Variants in DOCK3 observed in about 807,000 individuals in gnomAD.
DOCK3 encodes the protein dedicator of cytokinesis 3.
A neutral mutation model predicts 265.6 loss-of-function variants in DOCK3; 60 were observed. The ratio of observed to expected loss-of-function variants is 0.23; its 90% CI spans 0.18 to 0.28. The LOEUF is 0.28. Among genes scored for constraint, DOCK3 ranks in the 10% least tolerant of loss-of-function variants. The probability of loss-of-function intolerance (pLI) is 1.00; values close to 1 mark genes in which losing one functional copy is unlikely to be tolerated. For synonymous variants in DOCK3, 881 were observed against 938.0 expected, an observed-to-expected ratio of 0.94 and a Z score of 1.11; for missense variants, 1,981 against 2,594.3, an observed-to-expected ratio of 0.76 and a Z score of 5.14.
chr3:51,311,230 C>T lies in DOCK3; in HGVS notation c.3018-774C>T, dbSNP rs951585619. Among the ~76,000 whole-genome samples the T allele has an allele frequency of 3.3e-5, 5 of 152,186 alleles. No homozygotes were observed. The South Asian group carries it at 1.0e-3, about 32-fold the overall frequency. ...CAAAGCTTTGACCCTTTAAATTTTT[C>T]ACCCCCTCTAGTGGTGGACTAGTCT... On this transcript the variant is annotated intron_variant, in intron 28 of 52. Transcript: ENST00000266037.
intron 14 of DOCK3, among the ~76,000 whole-genome samples, chr3:51,216,525 G>A (rs933103708): frequency 1.3e-5 from 2 of 152,194 alleles, no homozygotes; most frequent in South Asian, 2.1e-4. Flanking sequence ...TGCTGTAGCC[G>A]AAAGTAAGGA....
chr3:51,058,106 G>T (rs1468681759), intron 5 of DOCK3, among the ~76,000 whole-genome samples: 1 of 152,142 alleles, frequency 6.6e-6, no homozygotes, highest in Non-Finnish European at 1.5e-5. Flanking sequence ...GCTGGGCTAG[G>T]TATCCAAGAT....
chr3:51,180,177 C>T (rs1286726653), intron 12 of DOCK3, among the ~76,000 whole-genome samples: 1 of 140,310 alleles, frequency 7.1e-6, no homozygotes, highest in Non-Finnish European at 1.5e-5. Flanking sequence ...CACTGTGCTC[C>T]AGCCTGGGTG....
chr3:50,698,298 T>C (rs1444277685), intron 1 of DOCK3, among the ~76,000 whole-genome samples: 1 of 152,146 alleles, frequency 6.6e-6, no homozygotes, highest in African/African-American at 2.4e-5. Context: ...GTTTGGCTGC[T>C]TTCACTGAGT....
intron 2 of DOCK3, among the ~76,000 whole-genome samples, chr3:50,802,668 T>C (rs2043135155): frequency 6.6e-6 from 1 of 152,196 alleles, no homozygotes; most frequent in Admixed American, 6.5e-5. Context: ...TTCCTTTGTA[T>C]GTGACTTGAC....
At chr3:50,762,461 C>G (rs1222402955) in intron 1 of DOCK3, among the ~76,000 whole-genome samples, 1 of 151,986 alleles carries the variant, frequency 6.6e-6, no homozygotes, top group Middle Eastern at 3.2e-3. Flanking sequence ...ATATGGTGGT[C>G]ATTGTGCACG....
At chr3:51,289,041 T>G (rs1227328723) in intron 27 of DOCK3, among the ~76,000 whole-genome samples, 6 of 150,992 alleles carry the variant, frequency 4.0e-5, no homozygotes, top group Non-Finnish European at 8.9e-5. Context: ...AGGACAGGAG[T>G]GACAAAATAG....
intron 4 of DOCK3, among the ~76,000 whole-genome samples, chr3:50,899,347 C>A (rs2049059223): frequency 6.6e-6 from 1 of 152,084 alleles, no homozygotes; most frequent in African/African-American, 2.4e-5. Context: ...TCCTCCATCC[C>A]TTTGTTTTGA....
chr3:50,765,928 C>T (rs922341870), intron 1 of DOCK3, among the ~76,000 whole-genome samples: 6 of 152,146 alleles, frequency 3.9e-5, no homozygotes, highest in African/African-American at 1.4e-4. Context: ...TTAACCACCC[C>T]CAGCCCCTGC....
intron 1 of DOCK3, among the ~76,000 whole-genome samples, chr3:50,736,590 A>G (rs1294827931): frequency 6.6e-6 from 1 of 151,790 alleles, no homozygotes; most frequent in Non-Finnish European, 1.5e-5. Flanking sequence ...AATGATTGCC[A>G]TTCTAACTGG....
At chr3:51,317,417 G>C (rs922790382) in intron 32 of DOCK3, among the ~76,000 whole-genome samples, 1 of 150,910 alleles carries the variant, frequency 6.6e-6, no homozygotes, top group Non-Finnish European at 1.5e-5. Flanking sequence ...TAATAATAAT[G>C]TATTGTACAA....
chr3:51,249,374 T>G (rs1350954800), intron 22 of DOCK3, among the ~76,000 whole-genome samples: 2 of 95,910 alleles, frequency 2.1e-5, no homozygotes, highest in Non-Finnish European at 4.2e-5. Flanking sequence ...GGGAGGGAGG[T>G]GGGGGGGTTA....
intron 5 of DOCK3, among the ~76,000 whole-genome samples, chr3:50,954,428 A>G (rs1204645566): frequency 6.6e-6 from 1 of 152,160 alleles, no homozygotes; most frequent in Non-Finnish European, 1.5e-5. Context: ...TAGGTCACTC[A>G]CATGCTCTAT....
chr3:51,375,724 G>A, intron 50 of DOCK3, 24 bp from the exon 51 acceptor site: 1 of 1,613,822 alleles, frequency 6.2e-7, no homozygotes, highest in Non-Finnish European at 8.5e-7. Context: ...TTCACTCTCT[G>A]TAATGTTTAT....
At chr3:51,306,019 TTTTC>T in intron 27 of DOCK3, among the ~76,000 whole-genome samples, 1 of 150,706 alleles carries the variant, frequency 6.6e-6, no homozygotes, top group East Asian at 1.9e-4. Flanking sequence ...TTCTTTTTTT[TTTTC>T]TTTTTTTTTT....
At chr3:50,719,892 C>T (rs2037365767) in intron 1 of DOCK3, 1 of 631,458 alleles carries the variant, frequency 1.6e-6, no homozygotes, top group South Asian at 1.6e-5. Context: ...GTTTTTGAAA[C>T]TTTGTCTGCT....
At chr3:50,773,567 GA>G (rs1305427070) in intron 1 of DOCK3, among the ~76,000 whole-genome samples, 1 of 152,084 alleles carries the variant, frequency 6.6e-6, no homozygotes, top group Non-Finnish European at 1.5e-5. Context: ...TCCAGAGATT[GA>G]AATTTAATAG....
intron 9 of DOCK3, among the ~76,000 whole-genome samples, chr3:51,092,191 A>G (rs921327297): frequency 6.6e-6 from 1 of 152,190 alleles, no homozygotes; most frequent in Non-Finnish European, 1.5e-5. Flanking sequence ...GGGGTGCTGA[A>G]GCCAGGAAGC....
At chr3:51,096,333 C>CCTTTT (rs771395729) in intron 9 of DOCK3, among the ~76,000 whole-genome samples, 1 of 151,960 alleles carries the variant, frequency 6.6e-6, no homozygotes, top group African/African-American at 2.4e-5. Context: ...TTTGTTCATT[C>CCTTTT]CTTTTCTTTT....
Sources: allele counts gnomAD v4.1 joint callset (sites outside exome capture counted in the v4.1 genomes callset), GRCh38; gene constraint gnomAD v4.1.1; transcripts MANE v1.5; gene names NCBI Gene and HGNC (gene_info 2026-07-23, HGNC 2026-07-21).